DPRX: variants seen among roughly 807,000 people sequenced by gnomAD.
The protein encoded by DPRX is divergent-paired related homeobox.
In DPRX, 11 loss-of-function variants were observed where a neutral mutation model predicts 8.4. The observed-to-expected ratio is 1.31, with a 90% CI of 0.82 to 2.17. DPRX has a LOEUF of 2.17. Ranked by LOEUF, DPRX falls within the 30% of genes most tolerant of loss-of-function variation. The pLI is 0.00. For missense variants in DPRX, 211 were observed against 236.7 expected (o/e 0.89, Z 0.71); for synonymous variants, 72 against 87.0 (o/e 0.83, Z 0.96).
intron 1 of DPRX, among the ~76,000 whole-genome samples, chr19:53,632,483 T>C (rs897017548): frequency 2.1e-5 from 3 of 146,038 alleles, no homozygotes; most frequent in African/African-American, 7.6e-5. Flanking sequence ...TTTTTTTTTG[T>C]ATTTTTAGTA....
At chr19:53,611,600 A>T in the DPRX span, among the ~76,000 whole-genome samples, 3 of 152,166 alleles carry the variant, frequency 2.0e-5, no homozygotes, top group Non-Finnish European at 4.4e-5. Flanking sequence ...GTTTATTGAC[A>T]TAAAAAGAGA....
At chr19:53,635,827 G>T (rs1225385097) in intron 2 of DPRX, among the ~76,000 whole-genome samples, 1 of 152,126 alleles carries the variant, frequency 6.6e-6, no homozygotes, top group Non-Finnish European at 1.5e-5. Context: ...AAGACAGGGG[G>T]TGGTCAGATT....
chr19:53,618,925 A>C, the DPRX span, among the ~76,000 whole-genome samples: 2 of 151,660 alleles, frequency 1.3e-5, no homozygotes, highest in East Asian at 3.9e-4. Flanking sequence ...CAGGTGATCC[A>C]CCCGCCTCGG....
the DPRX span, chr19:53,608,228 T>A: frequency 0.48 from 70,213 of 146,702 alleles, 17,572 homozygotes; most frequent in African/African-American, 0.62. Flanking sequence ...AAATTAAAAT[T>A]AAAAAATAAA....
At chr19:53,628,750 C>T (rs2091080257), upstream of DPRX, among the ~76,000 whole-genome samples, 1 of 151,754 alleles carries the variant, frequency 6.6e-6, no homozygotes, top group Non-Finnish European at 1.5e-5. Context: ...CCACCGCACC[C>T]GGCTAATTTT....
chr19:53,609,394 A>AAGACTG, the DPRX span, among the ~76,000 whole-genome samples: 1 of 146,944 alleles, frequency 6.8e-6, no homozygotes, highest in East Asian at 2.1e-4. Flanking sequence ...CTTGAACCTG[A>AAGACTG]AGACTGAGGC....
At chr19:53,626,824 G>A in the DPRX span, among the ~76,000 whole-genome samples, 600 of 152,050 alleles carry the variant, frequency 3.9e-3, 4 homozygotes, top group Middle Eastern at 0.014. Flanking sequence ...TCAGCCTCCC[G>A]AGTAGCTGGG....
the DPRX span, chr19:53,616,918 G>A: frequency 7.2e-7 from 1 of 1,392,066 alleles, no homozygotes; most frequent in South Asian, 1.2e-5. Flanking sequence ...TCTGGTGGTG[G>A]TGTCTTACTT....
At chr19:53,635,461 T>C (rs1394326594) in intron 2 of DPRX, among the ~76,000 whole-genome samples, 1 of 152,178 alleles carries the variant, frequency 6.6e-6, no homozygotes, top group African/African-American at 2.4e-5. Context: ...CCCACTCAGA[T>C]TCCCAAGTAG....
chr19:53,612,861 T>C, the DPRX span, among the ~76,000 whole-genome samples: 1 of 152,128 alleles, frequency 6.6e-6, no homozygotes, highest in Non-Finnish European at 1.5e-5. Context: ...CAAACCTGTC[T>C]CTCTGCATTC....
chr19:53,613,514 ATT>A, the DPRX span, among the ~76,000 whole-genome samples: 16 of 139,324 alleles, frequency 1.1e-4, no homozygotes, highest in African/African-American at 1.8e-4. Context: ...TGCCCCGCTA[ATT>A]TTTTTTTTTT....
the DPRX span, among the ~76,000 whole-genome samples, chr19:53,617,537 A>ATTT: frequency 6.7e-6 from 1 of 148,302 alleles, no homozygotes; most frequent in African/African-American, 2.5e-5. Flanking sequence ...CAGCCTGGAC[A>ATTT]ACAAGAGTAA....
the DPRX span, chr19:53,603,399 G>A: frequency 2.2e-6 from 1 of 456,404 alleles, no homozygotes. Context: ...TCTCGGGGTG[G>A]GGATGGTGCT....
chr19:53,601,854 G>A, the DPRX span: 1 of 366,792 alleles, frequency 2.7e-6, no homozygotes, highest in Non-Finnish European at 5.4e-6. Flanking sequence ...CTGATATGTG[G>A]GGGCTGGAGG....
upstream of DPRX, among the ~76,000 whole-genome samples, chr19:53,629,084 C>T (rs1333276000): frequency 4.6e-5 from 7 of 151,088 alleles, no homozygotes; most frequent in Admixed American, 6.6e-5. Context: ...GAGGCCGAGG[C>T]GGGCAGATCA....
chr19:53,619,739 T>C, the DPRX span, among the ~76,000 whole-genome samples: 2 of 144,302 alleles, frequency 1.4e-5, no homozygotes, highest in South Asian at 2.2e-4. Context: ...CCTGTGGTCC[T>C]AGCTACTCAG....
At chr19:53,616,981 G>T in the DPRX span, 1 of 1,174,260 alleles carries the variant, frequency 8.5e-7, no homozygotes, top group Non-Finnish European at 1.3e-6. Flanking sequence ...GCCAGGTGTT[G>T]GCTCTATGAC....
the DPRX span, among the ~76,000 whole-genome samples, chr19:53,625,031 G>A: frequency 6.7e-6 from 1 of 149,758 alleles, no homozygotes. Context: ...TCCCCTTAAA[G>A]GACAATAGCA....
the DPRX span, chr19:53,617,019 A>G: frequency 1.7e-6 from 2 of 1,178,560 alleles, no homozygotes; most frequent in African/African-American, 3.0e-5. Context: ...AGAGGCCAGT[A>G]GCTTTCTTGG....
Sources: allele counts gnomAD v4.1 joint callset (sites outside exome capture counted in the v4.1 genomes callset), GRCh38; gene constraint gnomAD v4.1.1; transcripts MANE v1.5; gene names NCBI Gene and HGNC (gene_info 2026-07-23, HGNC 2026-07-21).